CCDC178: variants seen among roughly 807,000 people sequenced by gnomAD.
The protein encoded by CCDC178 is coiled-coil domain containing 178, also known as coiled-coil domain-containing protein 178.
A neutral mutation model predicts 117.4 loss-of-function variants in CCDC178; 126 were observed. The observed-to-expected ratio is 1.07, with a 90% CI of 0.93 to 1.24. CCDC178 has a LOEUF of 1.24. Among genes scored for constraint, CCDC178 ranks in the 50% most tolerant of loss-of-function variants. The pLI, the probability that CCDC178 is intolerant of heterozygous loss-of-function variation, is 0.00. For missense variants in CCDC178, 1,030 were observed against 986.9 expected, an observed-to-expected ratio of 1.04 and a Z score of -0.59; for synonymous variants, 283 against 313.4, an observed-to-expected ratio of 0.90 and a Z score of 1.02.
chr18:33,401,701 A>C (rs942203816), intron 3 of CCDC178, among the ~76,000 whole-genome samples: 3 of 152,104 alleles, frequency 2.0e-5, no homozygotes, highest in Non-Finnish European at 4.4e-5. Flanking sequence ...ATTAAAAATG[A>C]TACTTTTATC....
chr18:33,295,144 G>A (rs1450017630), intron 11 of CCDC178, among the ~76,000 whole-genome samples: 1 of 152,000 alleles, frequency 6.6e-6, no homozygotes, highest in African/African-American at 2.4e-5. Flanking sequence ...GGTCATAGAC[G>A]ACCCAGAAAT....
intron 21 of CCDC178, among the ~76,000 whole-genome samples, chr18:33,077,814 G>T (rs890749124): frequency 6.6e-6 from 1 of 152,054 alleles, no homozygotes; most frequent in Non-Finnish European, 1.5e-5. Flanking sequence ...AAACAGCCCA[G>T]GACCAGAAGA....
At chr18:33,173,469 G>T (rs890632663) in intron 20 of CCDC178, among the ~76,000 whole-genome samples, 3 of 152,140 alleles carry the variant, frequency 2.0e-5, no homozygotes, top group Non-Finnish European at 4.4e-5. Flanking sequence ...AGGTGCCACG[G>T]CTTTAAAGAG....
intron 16 of CCDC178, among the ~76,000 whole-genome samples, chr18:33,226,000 A>G (rs1031360788): frequency 6.6e-6 from 1 of 152,080 alleles, no homozygotes; most frequent in Non-Finnish European, 1.5e-5. Context: ...TGTCTCTACT[A>G]AAAATACAAA....
intron 21 of CCDC178, among the ~76,000 whole-genome samples, chr18:33,008,129 A>G (rs561397757): frequency 6.6e-6 from 1 of 152,192 alleles, no homozygotes; most frequent in East Asian, 1.9e-4. Context: ...CAGTTGTGCA[A>G]CTTGAGGTCC....
rs371483237 is a variant in CCDC178, at chr18:32,938,248, C to G, written c.2524-157G>C. ...TTTATAGGAGACAAACAGTATAAACCCCAAGGAAGAGTGATTTCTCTATGA... is the reference window on the plus strand; with the variant it reads ...TTTATAGGAGACAAACAGTATAAACGCCAAGGAAGAGTGATTTCTCTATGA... On this transcript the variant is annotated intron_variant, in intron 22 of 22. Coordinates refer to ENST00000383096, the MANE Select transcript of CCDC178 (RefSeq NM_001105528.4). 4.7e-5 allele frequency: 27 copies of G among 579,500 alleles called. No homozygotes were observed. In the South Asian group the frequency reaches 6.2e-4, roughly 13 times the overall value. The allele number at this position is 579,500 out of a possible 1,614,324, so 35.9% of individuals were successfully genotyped here. A position where few individuals can be genotyped will look rare whatever the true frequency, so the allele number is the denominator to read the frequency against.
rs75546289 is a variant in CCDC178 at position 33,059,197 on chromosome 18, T to C, written c.2388+33564A>G. On this transcript the variant is annotated intron_variant, in intron 21 of 22. Transcript: ENST00000383096. The stretch of plus-strand genomic sequence containing the variant: ...AGAAAAATCGCCCTTGAAAGTAATA[T>C]ATAAATGGACCTGTAAGATTTGAAC... 1.7e-3 allele frequency among the ~76,000 whole-genome samples: 252 copies of C among 152,240 alleles called. 1 individual carries two copies. The highest frequency in any genetic ancestry group is 5.7e-3 in the African/African-American group (235 of 41,554).
At chr18:33,313,922 C>T (rs1312603328) in intron 11 of CCDC178, among the ~76,000 whole-genome samples, 2 of 152,140 alleles carry the variant, frequency 1.3e-5, no homozygotes, top group Non-Finnish European at 2.9e-5. Flanking sequence ...AATTGTGGGC[C>T]GGGCGCGGTG....
intron 21 of CCDC178, among the ~76,000 whole-genome samples, chr18:32,987,645 A>G (rs1008881216): frequency 6.6e-6 from 1 of 152,228 alleles, no homozygotes; most frequent in Non-Finnish European, 1.5e-5. Flanking sequence ...TAAACTGTAT[A>G]AAATCTTATG....
intron 5 of CCDC178, among the ~76,000 whole-genome samples, chr18:33,381,668 A>G (rs2063440266): frequency 6.6e-6 from 1 of 152,016 alleles, no homozygotes; most frequent in Admixed American, 6.6e-5. Context: ...CTCCTGATCC[A>G]TTAACCTTTT....
chr18:33,323,403 T>C, intron 11 of CCDC178, 88 bp downstream of exon 11: 1 of 834,634 alleles, frequency 1.2e-6, no homozygotes, highest in Non-Finnish European at 1.6e-6. Context: ...TCTCTTTATC[T>C]AAATTTTCTA....
intron 9 of CCDC178, among the ~76,000 whole-genome samples, chr18:33,335,897 A>T (rs2062733132): frequency 6.6e-6 from 1 of 152,054 alleles, no homozygotes; most frequent in East Asian, 1.9e-4. Flanking sequence ...GATATTTAAT[A>T]TTGAGCTACT....
intron 20 of CCDC178, among the ~76,000 whole-genome samples, chr18:33,204,980 C>T (rs2059031942): frequency 6.6e-6 from 1 of 151,822 alleles, no homozygotes. Context: ...GAAAAGGGGC[C>T]AAATTGTTCA....
intron 3 of CCDC178, among the ~76,000 whole-genome samples, chr18:33,401,461 C>T (rs1036766070): frequency 1.3e-5 from 2 of 152,244 alleles, no homozygotes; most frequent in Admixed American, 1.3e-4. Flanking sequence ...AATTCATGCT[C>T]TAATTCATGT....
intron 18 of CCDC178, 84 bp downstream of exon 18, chr18:33,223,022 T>C (rs2059256701): frequency 9.9e-7 from 1 of 1,009,400 alleles, no homozygotes; most frequent in Non-Finnish European, 1.4e-6. Context: ...GACACATTCA[T>C]TTAAAATTAA....
chr18:33,346,180 T>A (rs747970459), intron 9 of CCDC178, 31 bp downstream of exon 9: 55 of 1,495,056 alleles, frequency 3.7e-5, no homozygotes, highest in Non-Finnish European at 4.7e-5. Context: ...CCCAACAGAA[T>A]AAGAAGTAAT....
chr18:33,392,013 G>A (rs937773133), intron 4 of CCDC178, among the ~76,000 whole-genome samples: 3 of 151,864 alleles, frequency 2.0e-5, no homozygotes, highest in East Asian at 1.9e-4. Context: ...ACAGGAGTGC[G>A]CCACCATGCC....
At chr18:33,293,538 G>A (rs1166528691) in intron 11 of CCDC178, among the ~76,000 whole-genome samples, 1 of 151,882 alleles carries the variant, frequency 6.6e-6, no homozygotes, top group African/African-American at 2.4e-5. Context: ...GGTGGCACAT[G>A]CCTGTAGTCC....
chr18:32,970,826 C>T (rs968849008), intron 22 of CCDC178, among the ~76,000 whole-genome samples: 4 of 151,834 alleles, frequency 2.6e-5, no homozygotes, highest in African/African-American at 7.3e-5. Context: ...GGACAAGCTA[C>T]ATGTAGGAGT....
Sources: allele counts gnomAD v4.1 joint callset (sites outside exome capture counted in the v4.1 genomes callset), GRCh38; gene constraint gnomAD v4.1.1; transcripts MANE v1.5; gene names NCBI Gene and HGNC (gene_info 2026-07-23, HGNC 2026-07-21).